The following KDM4B variants were observed in gnomAD, a reference collection of about 807,000 sequenced individuals.
KDM4B encodes lysine demethylase 4B, also known as lysine-specific demethylase 4B.
Under a neutral mutation model 125.2 loss-of-function variants are expected in KDM4B, and 32 were observed. The observed-to-expected ratio is 0.26, with a 90% confidence interval of 0.19 to 0.34. The LOEUF (loss-of-function observed/expected upper bound fraction) is 0.34, where lower values mean the gene tolerates loss of function less well. Ranked by LOEUF, KDM4B falls within the 10% of genes least tolerant of loss-of-function variation. The pLI is 1.00. For synonymous variants in KDM4B, 721 were observed against 677.9 expected (o/e 1.06, Z -0.99); for missense variants, 1,190 against 1,577.7 (o/e 0.75, Z 4.16).
At chr19:5,048,324 G>T (rs2037098003) in intron 6 of KDM4B, among the ~76,000 whole-genome samples, 1 of 152,174 alleles carries the variant, frequency 6.6e-6, no homozygotes, top group Admixed American at 6.5e-5. Flanking sequence ...GCGCATGTGA[G>T]TGCGCACGTG....
intron 9 of KDM4B, among the ~76,000 whole-genome samples, chr19:5,084,530 T>C (rs1386094174): frequency 1.7e-5 from 1 of 58,512 alleles, no homozygotes; most frequent in Non-Finnish European, 3.1e-5. Flanking sequence ...ATTATATATG[T>C]TATTTATATA....
chr19:5,095,558 G>A (rs1030360247), intron 9 of KDM4B, among the ~76,000 whole-genome samples: 4 of 152,256 alleles, frequency 2.6e-5, no homozygotes, highest in Non-Finnish European at 5.9e-5. Context: ...CAGCCAGGCT[G>A]CTGCACACTG....
chr19:5,150,395 G>A lies in KDM4B; in HGVS notation c.3059G>A (p.Arg1020His), dbSNP rs560822471. ...GACGGGTCCCAGCTGACGGTGAAGC[G>A]TGGGGACATCTTCACCCTGGAGGAG... Reference protein sequence around the residue: ...FEDGSQLTVKRGDIFTLEEEL... With the variant: ...FEDGSQLTVKHGDIFTLEEEL... The change falls in exon 22 of 23, where the codon CGT becomes CAT. Residue 1020 changes from arginine to histidine, a missense_variant. This residue lies in a region of KDM4B where 298 missense variants were observed against 439.7 expected (regional missense o/e 0.68). Transcript: ENST00000159111. The A allele has an allele frequency of 1.5e-5, 24 of 1,551,406 alleles. No homozygotes were observed. Among genetic ancestry groups the A allele is most frequent in the East Asian group, 4.9e-5 (2 of 40,916 alleles).
At chr19:4,990,870 C>T (rs2035009857) in intron 1 of KDM4B, among the ~76,000 whole-genome samples, 1 of 152,054 alleles carries the variant, frequency 6.6e-6, no homozygotes, top group South Asian at 2.1e-4. Context: ...CCTATAATCC[C>T]AGCACTTTGG....
At chr19:5,148,710 G>A (rs1599281127) in intron 21 of KDM4B, among the ~76,000 whole-genome samples, 2 of 152,160 alleles carry the variant, frequency 1.3e-5, no homozygotes, top group Admixed American at 6.5e-5. Context: ...TCCAAAACCC[G>A]CTGCTGCCCG....
At chr19:5,071,644 T>G (rs780814937) in intron 7 of KDM4B, among the ~76,000 whole-genome samples, 1 of 152,204 alleles carries the variant, frequency 6.6e-6, no homozygotes, top group African/African-American at 2.4e-5. Context: ...TCCCAGCATG[T>G]GCCTGAGGGA....
chr19:5,007,852 C>T (rs1422378540), intron 1 of KDM4B, among the ~76,000 whole-genome samples: 1 of 152,152 alleles, frequency 6.6e-6, no homozygotes, highest in Admixed American at 6.6e-5. Flanking sequence ...CATGACCAGC[C>T]AAGTCTTTTC....
intron 7 of KDM4B, chr19:5,074,579 T>C (rs2038043049): frequency 6.6e-6 from 1 of 152,210 alleles, no homozygotes; most frequent in Admixed American, 6.5e-5. Flanking sequence ...AAAGAGGAAC[T>C]GCGGAGAGGC....
intron 1 of KDM4B, among the ~76,000 whole-genome samples, chr19:4,976,043 A>G (rs1048158965): frequency 2.0e-5 from 3 of 151,562 alleles, no homozygotes; most frequent in Non-Finnish European, 2.9e-5. Flanking sequence ...TGAGGTCAGG[A>G]GTTCGAGACC....
At position 4,995,750 on chromosome 19, in the gene KDM4B, T is replaced by C. The variant is rs73538587; in HGVS notation, c.-108-20507T>C. ...TGGGTCCCAGCACAGTATCCCAGGCTGGCTCCCTTTAAATACTCGTTGTTT... is the reference window on the plus strand; with the variant it reads ...TGGGTCCCAGCACAGTATCCCAGGCCGGCTCCCTTTAAATACTCGTTGTTT... On this transcript the variant is annotated intron_variant, in intron 1 of 22. Coordinates refer to ENST00000159111, the MANE Select transcript of KDM4B (RefSeq NM_015015.3). Among the ~76,000 whole-genome samples, 643 of 152,330 alleles carry C rather than the reference T, an allele frequency of 4.2e-3. 8 individuals are homozygous for C. The highest frequency in any genetic ancestry group is 0.015 in the African/African-American group (611 of 41,568).
chr19:5,032,257 A>G (rs911822872), intron 2 of KDM4B, among the ~76,000 whole-genome samples: 1 of 152,164 alleles, frequency 6.6e-6, no homozygotes, highest in African/African-American at 2.4e-5. Context: ...GGGCTGGTTT[A>G]TGACCCGCGT....
intron 1 of KDM4B, among the ~76,000 whole-genome samples, chr19:4,980,410 C>T (rs913719127): frequency 6.8e-6 from 1 of 147,898 alleles, no homozygotes; most frequent in Non-Finnish European, 1.5e-5. Context: ...AGAGCCTTGT[C>T]CCTTTTCTTT....
At chr19:5,059,400 A>T (rs1250351422) in intron 6 of KDM4B, among the ~76,000 whole-genome samples, 2 of 152,158 alleles carry the variant, frequency 1.3e-5, no homozygotes. Flanking sequence ...CCTCCCGCCG[A>T]GGGCTCGGGC....
At chr19:5,125,589 G>A (rs538410272) in intron 11 of KDM4B, among the ~76,000 whole-genome samples, 144 of 152,264 alleles carry the variant, frequency 9.5e-4, no homozygotes, top group Admixed American at 1.6e-3. Context: ...GGGTCCACAC[G>A]CCCGGTGCAG....
intron 2 of KDM4B, among the ~76,000 whole-genome samples, chr19:5,031,513 G>A (rs568799221): frequency 6.6e-5 from 10 of 152,358 alleles, no homozygotes; most frequent in South Asian, 4.1e-4. Context: ...CTCAGCCCAC[G>A]TGGGCTTGGA....
intron 6 of KDM4B, among the ~76,000 whole-genome samples, chr19:5,062,803 T>C (rs1136405): frequency 0.74 from 96,335 of 130,788 alleles, 35,883 homozygotes; most frequent in East Asian, 0.94. Flanking sequence ...TTTTTAGAGA[T>C]AGAGTTTCCC....
chr19:5,144,756 C>T (rs2039812023), intron 20 of KDM4B, 27 bp from the exon 21 acceptor site: 2 of 1,613,076 alleles, frequency 1.2e-6, no homozygotes, highest in African/African-American at 1.3e-5. Context: ...TGGCCAGGAC[C>T]TCACCTCCCA....
intron 6 of KDM4B, among the ~76,000 whole-genome samples, chr19:5,057,818 G>A (rs967717471): frequency 6.6e-6 from 1 of 152,236 alleles, no homozygotes; most frequent in Non-Finnish European, 1.5e-5. Context: ...GTGTGGGTGA[G>A]GAAGGAGCCA....
intron 11 of KDM4B, among the ~76,000 whole-genome samples, chr19:5,128,560 G>A (rs1433074478): frequency 6.6e-6 from 1 of 152,228 alleles, no homozygotes; most frequent in Admixed American, 6.5e-5. Flanking sequence ...AAAGCTGTTT[G>A]TCCTCAAGTG....
Sources: gnomAD v4.1 joint callset for allele counts (sites outside exome capture counted in the v4.1 genomes callset) on GRCh38, gnomAD v4.1.1 for gene constraint, gnomAD v4.1.1 regional missense constraint, MANE v1.5 for transcripts, NCBI Gene and HGNC (gene_info 2026-07-23, HGNC 2026-07-21) for gene names.